Variants in GRIA1 observed in about 807,000 individuals in gnomAD.
GRIA1 encodes glutamate ionotropic receptor AMPA type subunit 1.
In GRIA1, 31 loss-of-function variants were observed where a neutral mutation model predicts 99.2. That is an observed-to-expected ratio of 0.31 (90% confidence interval 0.23 to 0.42). GRIA1 has a LOEUF of 0.42. Among genes scored for constraint, GRIA1 ranks in the 10% least tolerant of loss-of-function variants. The pLI, the probability that GRIA1 is intolerant of heterozygous loss-of-function variation, is 1.00. For synonymous variants in GRIA1, 438 were observed against 432.4 expected (o/e 1.01, Z -0.16); for missense variants, 782 against 1,157.5 (o/e 0.68, Z 4.71).
Position 153,655,723 on chromosome 5 carries a change from T to C in GRIA1, c.646-96T>C, listed in dbSNP as rs969226182. Reference sequence around the variant, plus strand: ...GTTCTAGTACTTAGGGTAGGGCACATTGTAAGCACTCGATATCAGCTGCCG... The same window carrying C: ...GTTCTAGTACTTAGGGTAGGGCACACTGTAAGCACTCGATATCAGCTGCCG... On this transcript the variant is annotated intron_variant, in intron 4 of 15. Transcript: ENST00000285900. 1.9e-5 allele frequency: 19 copies of C among 987,982 alleles called. No homozygotes were observed. The African/African-American group carries it at 2.9e-4, about 15-fold the overall frequency. The allele number at this position is 987,982 out of a possible 1,614,324, so 61.2% of individuals were successfully genotyped here. A position where few individuals can be genotyped will look rare whatever the true frequency, so the allele number is the denominator to read the frequency against.
chr5:153,763,085 G>A (rs554502231), intron 11 of GRIA1, among the ~76,000 whole-genome samples: 3 of 152,252 alleles, frequency 2.0e-5, no homozygotes, highest in Non-Finnish European at 4.4e-5. Flanking sequence ...CGTGTGAAAC[G>A]CCTAGGAGCA....
chr5:153,683,038 G>A lies in GRIA1; in HGVS notation c.1030-3187G>A, dbSNP rs138101966. The stretch of plus-strand genomic sequence containing the variant: ...GCGCCAGGATGGCGACAGAAGTTCC[G>A]GGAGCAGGAACCAAGAAGAAGTGCC... On this transcript the variant is annotated intron_variant, in intron 7 of 15. Transcript: ENST00000285900. Among the ~76,000 whole-genome samples the A allele has an allele frequency of 4.2e-3, 639 of 152,274 alleles. 3 individuals carry two copies. Among genetic ancestry groups the A allele is most frequent in the African/African-American group, 0.014 (596 of 41,564 alleles).
intron 5 of GRIA1, among the ~76,000 whole-genome samples, chr5:153,671,214 A>G (rs977115599): frequency 2.6e-5 from 4 of 152,306 alleles, no homozygotes; most frequent in African/African-American, 9.6e-5. Flanking sequence ...TGAGCAGTTG[A>G]GGAAACTCGG....
At chr5:153,776,446 T>C (rs887511303) in intron 13 of GRIA1, among the ~76,000 whole-genome samples, 2 of 152,102 alleles carry the variant, frequency 1.3e-5, no homozygotes, top group African/African-American at 2.4e-5. Context: ...CACCTCAATT[T>C]TACCTCTGAA....
chr5:153,661,662 CAATG>C (rs376904338), intron 5 of GRIA1, among the ~76,000 whole-genome samples: 168 of 151,906 alleles, frequency 1.1e-3, no homozygotes, highest in African/African-American at 3.8e-3. Flanking sequence ...TTTAAAAAGT[CAATG>C]AATGAATGAA....
In GRIA1 at chr5:153,634,719, T is replaced by C. The variant is rs78054328; in HGVS notation, c.221-12209T>C. On this transcript the variant is annotated intron_variant, in intron 2 of 15. Coordinates refer to ENST00000285900, the MANE Select transcript of GRIA1 (RefSeq NM_000827.4). The stretch of plus-strand genomic sequence containing the variant: ...ATTGGCCGAGCATTTGTTTCAAATG[T>C]CGTTTTCGCAGCATGCTTTGCTGAG... Among the ~76,000 whole-genome samples, 1,306 of 152,302 alleles carry C rather than the reference T, an allele frequency of 8.6e-3. 17 individuals are homozygous for C. Among genetic ancestry groups the C allele is most frequent in the East Asian group, 0.065 (337 of 5,176 alleles).
chr5:153,602,652 G>A (rs966264322), intron 2 of GRIA1, among the ~76,000 whole-genome samples: 1 of 152,098 alleles, frequency 6.6e-6, no homozygotes, highest in East Asian at 1.9e-4. Context: ...AAAAGATAAA[G>A]TAATTTGCCC....
At chr5:153,491,414 T>A in intron 1 of GRIA1, 2 of 560,986 alleles carry the variant, frequency 3.6e-6, no homozygotes, top group Non-Finnish European at 4.6e-6. Context: ...AAGGAGGCAG[T>A]GCTTTCTCTG....
rs540862837 is a variant in GRIA1 at position 153,797,288 on chromosome 5, T to C, written c.2385+2553T>C. 7.2e-5 allele frequency among the ~76,000 whole-genome samples: 11 copies of C among 152,300 alleles called. No homozygotes were observed. The South Asian group carries it at 2.3e-3, about 32-fold the overall frequency. ...TCTGGGAGTTATGTGTGGTCCAAGA[T>C]AACATGTCCGACATACAACAGTTAT... On this transcript the variant is annotated intron_variant, in intron 14 of 15. Transcript: ENST00000285900.
rs750996068 is a variant in GRIA1 at position 153,674,607 on chromosome 5, G to C, written c.807G>C (p.Gln269His). The change falls in exon 6 of 16, where the codon CAG becomes CAC. Residue 269 changes from glutamine to histidine, a missense_variant. By Grantham distance (24) the Gln-to-His change is conservative. Around this residue, in one of 5 missense-constraint regions of GRIA1, gnomAD observed 461 missense variants for 521.7 expected, o/e 0.88. Transcript: ENST00000285900. ...CTATTCCGGCCAAGATCATGCAGCAGTGGAAGAATAGTGATGCTCGAGACC... is the reference window on the plus strand; with the variant it reads ...CTATTCCGGCCAAGATCATGCAGCACTGGAAGAATAGTGATGCTCGAGACC... ...TDTIPAKIMQ[Q>H]WKNSDARDHT... 1 of 1,614,142 alleles carries C rather than the reference G, an allele frequency of 6.2e-7. No homozygotes were observed. The highest frequency in any genetic ancestry group is 8.5e-7 in the Non-Finnish European group (1 of 1,180,002).
rs529397744 is a variant in GRIA1, at chr5:153,650,925, G to C, written c.645+411G>C. Among the ~76,000 whole-genome samples, 13 of 83,600 alleles carry C rather than the reference G, an allele frequency of 1.6e-4. No homozygotes were observed. The East Asian group carries it at 2.8e-3, about 18-fold the overall frequency. The allele number at this position is 83,600 out of a possible 152,430, so 54.8% of individuals were successfully genotyped here. ...AAAAAAAAAAAAAAAAAAAAAATTA[G>C]CTTGGTGTCGTGGCATGTACCCATA... On this transcript the variant is annotated intron_variant, in intron 4 of 15. Coordinates refer to ENST00000285900, the MANE Select transcript of GRIA1 (RefSeq NM_000827.4).
chr5:153,651,065 C>T (rs1754539186), intron 4 of GRIA1, among the ~76,000 whole-genome samples: 1 of 151,954 alleles, frequency 6.6e-6, no homozygotes, highest in Admixed American at 6.6e-5. Context: ...GGCAACAGAG[C>T]AAGACTCCAT....
intron 11 of GRIA1, among the ~76,000 whole-genome samples, chr5:153,741,067 C>G (rs1215185089): frequency 6.9e-6 from 1 of 145,592 alleles, no homozygotes; most frequent in Non-Finnish European, 1.5e-5. Flanking sequence ...AGCTCTGCCT[C>G]CTAGGTTCAC....
intron 11 of GRIA1, among the ~76,000 whole-genome samples, chr5:153,717,806 G>C (rs538919375): frequency 6.6e-6 from 1 of 152,154 alleles, no homozygotes; most frequent in Non-Finnish European, 1.5e-5. Context: ...GGATTCAAAG[G>C]GTCCTGGCTG....
intron 7 of GRIA1, among the ~76,000 whole-genome samples, chr5:153,679,270 T>C (rs916357419): frequency 6.7e-6 from 1 of 150,230 alleles, no homozygotes; most frequent in Non-Finnish European, 1.5e-5. Context: ...GGAACAACTA[T>C]CCCAAATAAA....
intron 2 of GRIA1, among the ~76,000 whole-genome samples, chr5:153,550,486 A>C (rs1323751498): frequency 6.6e-6 from 1 of 152,124 alleles, no homozygotes; most frequent in East Asian, 1.9e-4. Flanking sequence ...CTTGAATGGC[A>C]CAACTGGTTG....
chr5:153,764,651 C>T lies in GRIA1; in HGVS notation c.2022+19C>T, dbSNP rs139754822. ...CTTCAGGGTAGGGACATCCTTTGTCCCAAGACACTTTCACAAAAGGGAACC... is the reference window on the plus strand; with the variant it reads ...CTTCAGGGTAGGGACATCCTTTGTCTCAAGACACTTTCACAAAAGGGAACC... On this transcript the variant is annotated intron_variant, in intron 12 of 15. Transcript: ENST00000285900. The T allele has an allele frequency of 6.3e-7, 1 of 1,579,564 alleles. No homozygotes were observed. Among genetic ancestry groups the T allele is most frequent in the Non-Finnish European group, 8.7e-7 (1 of 1,148,890 alleles).
intron 1 of GRIA1, among the ~76,000 whole-genome samples, chr5:153,491,984 G>T (rs1753956791): frequency 6.6e-6 from 1 of 152,326 alleles, no homozygotes; most frequent in East Asian, 1.9e-4. Flanking sequence ...AGGGCTTGGG[G>T]CTTCCGTGTG....
chr5:153,705,691 T>TTC lies in GRIA1; in HGVS notation c.1453-5_1453-4insCT, dbSNP rs1758840264. 7.7e-7 allele frequency: 1 copy of TTC among 1,292,024 alleles called. No homozygotes were observed. The highest frequency in any genetic ancestry group is 1.6e-5 in the African/African-American group (1 of 62,124). The allele number at this position is 1,292,024 out of a possible 1,614,324, so 80.0% of individuals were successfully genotyped here. ...TTTTTTTTTTTTTTTTTTTTTTTTTTTTCAGAGAGCAGATGTGGCTGTGGC... is the reference window on the plus strand; with the variant it reads ...TTTTTTTTTTTTTTTTTTTTTTTTTTTCTTCAGAGAGCAGATGTGGCTGTGGC... On this transcript the variant is annotated splice_polypyrimidine_tract_variant and splice_region_variant and intron_variant, in intron 10 of 15. Coordinates refer to ENST00000285900, the MANE Select transcript of GRIA1 (RefSeq NM_000827.4).
Sources: allele counts gnomAD v4.1 joint callset (sites outside exome capture counted in the v4.1 genomes callset), GRCh38; gene constraint gnomAD v4.1.1; regional missense constraint gnomAD v4.1.1; transcripts MANE v1.5; gene names NCBI Gene and HGNC (gene_info 2026-07-23, HGNC 2026-07-21).